The following POLR3B variants were observed in gnomAD, a reference collection of about 807,000 sequenced individuals.
POLR3B encodes DNA-directed RNA polymerase III subunit RPC2.
In POLR3B, 96 loss-of-function variants were observed where a neutral mutation model predicts 147.4. The observed-to-expected ratio is 0.65, with a 90% CI of 0.55 to 0.77. The LOEUF (loss-of-function observed/expected upper bound fraction) is 0.77. POLR3B is among the 30% of genes least tolerant of loss of function. The probability of loss-of-function intolerance (pLI) is 0.00; values close to 1 mark genes in which losing one functional copy is unlikely to be tolerated. For synonymous variants in POLR3B, 461 were observed against 485.9 expected (o/e 0.95, Z 0.67); for missense variants, 1,036 against 1,413.5 (o/e 0.73, Z 4.28).
chr12:106,385,629 G>T (rs1256493509), intron 9 of POLR3B, among the ~76,000 whole-genome samples: 1 of 152,242 alleles, frequency 6.6e-6, no homozygotes, highest in Non-Finnish European at 1.5e-5. Context: ...AGGAGTCAGG[G>T]AGGAAAGTAG....
intron 15 of POLR3B, among the ~76,000 whole-genome samples, 194 bp from the exon 16 acceptor site, chr12:106,433,525 C>T (rs894034185): frequency 6.6e-6 from 1 of 152,174 alleles, no homozygotes; most frequent in Non-Finnish European, 1.5e-5. Flanking sequence ...CCTCAGCCTG[C>T]ATGTGGAAGG....
chr12:106,486,509 C>T (rs759436118), intron 23 of POLR3B, among the ~76,000 whole-genome samples: 3 of 152,118 alleles, frequency 2.0e-5, no homozygotes, highest in Non-Finnish European at 4.4e-5. Context: ...AGAGATTTCT[C>T]GTTGGAAAGA....
In POLR3B at chr12:106,500,161, C is replaced by T. The variant is rs954013133; in HGVS notation, c.2985-1162C>T. The T allele has an allele frequency of 1.5e-5, 7 of 455,846 alleles. No homozygotes were observed. The East Asian group carries it at 4.9e-4, about 32-fold the overall frequency. The allele number at this position is 455,846 out of a possible 1,614,324, so 28.2% of individuals were successfully genotyped here. A position where few individuals can be genotyped will look rare whatever the true frequency, so the allele number is the denominator to read the frequency against. ...CTGGATCGTTGTGTGGATTAAGTAG[C>T]ACATGGTAGTTGCTTCCTTCCCTTT... On this transcript the variant is annotated intron_variant, in intron 25 of 27. Coordinates refer to ENST00000228347, the MANE Select transcript of POLR3B (RefSeq NM_018082.6).
chr12:106,398,552 C>T (rs1427078262), intron 10 of POLR3B, among the ~76,000 whole-genome samples: 1 of 152,192 alleles, frequency 6.6e-6, no homozygotes, highest in Non-Finnish European at 1.5e-5. Flanking sequence ...GGTTCCCTGA[C>T]CCCCGAATAG....
At chr12:106,417,099 G>A (rs1312175422) in intron 12 of POLR3B, among the ~76,000 whole-genome samples, 1 of 152,140 alleles carries the variant, frequency 6.6e-6, no homozygotes, top group African/African-American at 2.4e-5. Context: ...TTACTTCCAT[G>A]CTTCTTCCCC....
chr12:106,467,447 G>C (rs1393030934), intron 23 of POLR3B, among the ~76,000 whole-genome samples: 1 of 151,930 alleles, frequency 6.6e-6, no homozygotes, highest in East Asian at 1.9e-4. Context: ...ACTTTATTGG[G>C]TTCTCTTGCC....
intron 1 of POLR3B, chr12:106,358,331 A>G (rs920916335): frequency 1.1e-6 from 1 of 925,864 alleles, no homozygotes; most frequent in African/African-American, 1.7e-5. Context: ...TGCATGAGGC[A>G]CCACAGCCGG....
Position 106,502,919 on chromosome 12 carries a change from G to C in POLR3B, c.3099-1162G>C, listed in dbSNP as rs1025570677. ...TTCCTATATTTTGCTTTGTTGTGTAGAAAAAGTTATTACTTTGGTAACTTT... is the reference window on the plus strand; with the variant it reads ...TTCCTATATTTTGCTTTGTTGTGTACAAAAAGTTATTACTTTGGTAACTTT... On this transcript the variant is annotated intron_variant, in intron 26 of 27. Coordinates refer to ENST00000228347, the MANE Select transcript of POLR3B (RefSeq NM_018082.6). Among the ~76,000 whole-genome samples, 11 of 152,256 alleles carry C rather than the reference G, an allele frequency of 7.2e-5. No homozygotes were observed. In the East Asian group the frequency reaches 7.7e-4, roughly 11 times the overall value.
intron 12 of POLR3B, among the ~76,000 whole-genome samples, chr12:106,421,229 TA>T (rs879429516): frequency 5.1e-4 from 74 of 145,792 alleles, no homozygotes; most frequent in Admixed American, 4.8e-4. Flanking sequence ...CATTTGACAT[TA>T]AAAAAAAAAA....
At chr12:106,488,631 A>G (rs2038372716) in intron 23 of POLR3B, among the ~76,000 whole-genome samples, 1 of 152,028 alleles carries the variant, frequency 6.6e-6, no homozygotes, top group African/African-American at 2.4e-5. Context: ...TGTATATTCT[A>G]ATCATTTTTA....
At chr12:106,501,845 G>GT (rs2038607180) in intron 26 of POLR3B, among the ~76,000 whole-genome samples, 4 of 152,312 alleles carry the variant, frequency 2.6e-5, no homozygotes, top group South Asian at 2.1e-4. Context: ...CACAATTGGA[G>GT]TTTTTTAAAA....
chr12:106,496,873 G>T lies in POLR3B; in HGVS notation c.2939G>T (p.Gly980Val). The T allele has an allele frequency of 1.2e-6, 2 of 1,614,062 alleles. No individual in the cohort carries two copies. Among genetic ancestry groups the T allele is most frequent in the Non-Finnish European group, 1.7e-6 (2 of 1,179,976 alleles). ...GTGTGTGAGGACCTCGTTCGCCATG[G>T]TTATAACTACTTGGGGAAAGACTAT... The part of the protein sequence containing the change: ...KDVCEDLVRH[G>V]YNYLGKDYVT... Residue 980 changes from glycine to valine, a missense_variant, in exon 25 of 28, where the codon GGT becomes GTT. Gly to Val is a moderately radical substitution (Grantham distance 109). Around this residue, in one of 12 missense-constraint regions of POLR3B, gnomAD observed 88 missense variants for 87.5 expected, o/e 1.01. Transcript: ENST00000228347.
chr12:106,426,515 C>G (rs1174461592), intron 12 of POLR3B, among the ~76,000 whole-genome samples: 1 of 151,962 alleles, frequency 6.6e-6, no homozygotes, highest in Non-Finnish European at 1.5e-5. Flanking sequence ...CAGGGTTTCA[C>G]CATCTTGGCC....
At chr12:106,401,252 C>A (rs2037061637) in intron 10 of POLR3B, among the ~76,000 whole-genome samples, 1 of 152,208 alleles carries the variant, frequency 6.6e-6, no homozygotes, top group South Asian at 2.1e-4. Context: ...TCGATACATA[C>A]ATCCTCCCAA....
chr12:106,483,645 G>A (rs779306139), intron 23 of POLR3B, among the ~76,000 whole-genome samples: 2 of 152,172 alleles, frequency 1.3e-5, no homozygotes, highest in Admixed American at 6.5e-5. Flanking sequence ...GATTATCTTT[G>A]GCAGATGGTT....
chr12:106,419,794 C>CTTTTTTTTTTTTTTTTTTTTT (rs56756383), intron 12 of POLR3B, among the ~76,000 whole-genome samples: 1 of 88,944 alleles, frequency 1.1e-5, no homozygotes, highest in African/African-American at 4.2e-5. Flanking sequence ...TTTAGTTTTG[C>CTTTTTTTTTTTTTTTTTTTTT]TTTTTTTTTT....
chr12:106,478,269 G>A (rs576601086), intron 23 of POLR3B, among the ~76,000 whole-genome samples: 13 of 152,114 alleles, frequency 8.5e-5, no homozygotes, highest in South Asian at 4.1e-4. Context: ...AAATACAGGC[G>A]TCTAGGTAAA....
chr12:106,398,869 C>A (rs1565884075), intron 10 of POLR3B, among the ~76,000 whole-genome samples: 1 of 152,084 alleles, frequency 6.6e-6, no homozygotes. Flanking sequence ...TAGATGAAAC[C>A]ACAAAGATGG....
At chr12:106,385,209 C>T (rs111740398) in intron 9 of POLR3B, among the ~76,000 whole-genome samples, 2,141 of 152,252 alleles carry the variant, frequency 0.014, 17 homozygotes, top group Middle Eastern at 0.044. Flanking sequence ...CTCACAGGAA[C>T]CTAGCCCTAT....
Sources: gnomAD v4.1 joint callset for allele counts (sites outside exome capture counted in the v4.1 genomes callset) on GRCh38, gnomAD v4.1.1 for gene constraint, gnomAD v4.1.1 regional missense constraint, MANE v1.5 for transcripts, NCBI Gene and HGNC (gene_info 2026-07-23, HGNC 2026-07-21) for gene names.